The following ACBD6 variants were observed in gnomAD, a reference collection of about 807,000 sequenced individuals.
The protein encoded by ACBD6 is acyl-CoA binding domain containing 6.
ACBD6 carries 28 observed loss-of-function variants against 37.2 expected under a neutral mutation model. That is an observed-to-expected ratio of 0.75 (90% CI 0.56 to 1.03). The LOEUF (loss-of-function observed/expected upper bound fraction) is 1.03. ACBD6 is among the 50% of genes least tolerant of loss of function. The pLI is 0.00. For synonymous variants in ACBD6, 113 were observed against 126.8 expected (o/e 0.89, Z 0.73); for missense variants, 340 against 337.4 (o/e 1.01, Z -0.06).
Position 180,288,293 on chromosome 1 carries a change from T to TTTG in ACBD6, c.*69_*70insCAA. The TTTG allele has an allele frequency of 6.2e-7, 1 of 1,602,418 alleles. No individual in the cohort carries two copies. The highest frequency in any genetic ancestry group is 1.1e-5 in the South Asian group (1 of 89,964). On this transcript the variant is annotated 3_prime_UTR_variant, in exon 8 of 8. Coordinates refer to ENST00000367595, the MANE Select transcript of ACBD6 (RefSeq NM_032360.4). Reference sequence around the variant, plus strand: ...ACCAAAGACGGGTGGAAAAGAAGTATTATTTTTGTAGTTTTCTTTCATAAT... The same window carrying TTTG: ...ACCAAAGACGGGTGGAAAAGAAGTATTTGTATTTTTGTAGTTTTCTTTCATAAT...
intron 3 of ACBD6, among the ~76,000 whole-genome samples, chr1:180,465,939 T>C (rs954014039): frequency 2.0e-5 from 3 of 151,684 alleles, no homozygotes; most frequent in Admixed American, 6.6e-5. Flanking sequence ...TTCTCACTTA[T>C]AAGTGGGAGC....
chr1:180,488,235 C>T (rs1251843038), intron 3 of ACBD6, among the ~76,000 whole-genome samples: 1 of 150,844 alleles, frequency 6.6e-6, no homozygotes, highest in Non-Finnish European at 1.5e-5. Flanking sequence ...ACTGTAAAAA[C>T]AAAACAAAAA....
intron 3 of ACBD6, chr1:180,435,753 T>C (rs1557869760): frequency 1.5e-5 from 13 of 848,682 alleles, no homozygotes; most frequent in South Asian, 1.3e-4. Flanking sequence ...CACTTCAGAA[T>C]AGCAGCCAAG....
chr1:180,379,726 C>A (rs1184746570), intron 6 of ACBD6, among the ~76,000 whole-genome samples: 1 of 151,778 alleles, frequency 6.6e-6, no homozygotes, highest in African/African-American at 2.4e-5. Context: ...GAAAAGAGAA[C>A]AAAAAAACAA....
intron 4 of ACBD6, among the ~76,000 whole-genome samples, chr1:180,414,022 T>A (rs779441618): frequency 1.3e-5 from 2 of 152,352 alleles, no homozygotes; most frequent in South Asian, 4.1e-4. Flanking sequence ...TGATTTTGTA[T>A]ACAGTACATT....
chr1:180,300,378 T>C (rs1204195941), intron 7 of ACBD6, among the ~76,000 whole-genome samples: 1 of 152,148 alleles, frequency 6.6e-6, no homozygotes, highest in Non-Finnish European at 1.5e-5. Flanking sequence ...ATATAATAGG[T>C]GCTTAATAAA....
chr1:180,472,058 T>G (rs1232063077), intron 3 of ACBD6, among the ~76,000 whole-genome samples: 1 of 152,210 alleles, frequency 6.6e-6, no homozygotes, highest in Admixed American at 6.5e-5. Flanking sequence ...CACTTAATGA[T>G]ATTATTTCTA....
intron 3 of ACBD6, among the ~76,000 whole-genome samples, chr1:180,472,583 T>C (rs1255242685): frequency 3.3e-5 from 5 of 152,164 alleles, no homozygotes; most frequent in African/African-American, 1.2e-4. Flanking sequence ...TAATAAAATC[T>C]AAATCAGTTT....
chr1:180,324,718 C>A (rs147048926), intron 6 of ACBD6, among the ~76,000 whole-genome samples: 432 of 152,218 alleles, frequency 2.8e-3, no homozygotes, highest in African/African-American at 0.01. Context: ...TCTTATTGCT[C>A]ATTAACATAC....
intron 6 of ACBD6, among the ~76,000 whole-genome samples, chr1:180,382,106 C>T (rs1653676723): frequency 7.7e-6 from 1 of 130,160 alleles, no homozygotes; most frequent in South Asian, 2.3e-4. Flanking sequence ...CAGAACAAGA[C>T]TGCATCTCAA....
chr1:180,427,918 CAA>C (rs11435254), intron 4 of ACBD6, among the ~76,000 whole-genome samples: 15 of 95,736 alleles, frequency 1.6e-4, no homozygotes, highest in Non-Finnish European at 2.1e-4. Flanking sequence ...GACTCTGTCT[CAA>C]AAAAAAAAAA....
At chr1:180,393,517 T>C (rs1220131593) in intron 6 of ACBD6, among the ~76,000 whole-genome samples, 2 of 152,232 alleles carry the variant, frequency 1.3e-5, no homozygotes, top group Non-Finnish European at 2.9e-5. Flanking sequence ...ATTTTCCTTT[T>C]TGGCAACCAA....
chr1:180,502,413 T>C lies in ACBD6; in HGVS notation c.-147A>G, dbSNP rs529719525. On this transcript the variant is annotated 5_prime_UTR_variant, in exon 1 of 8. Transcript: ENST00000367595. ...CTCAGTCGCGGCGCGCTCCCTCACG[T>C]GACCCTGCTCCCTGCCCACTTCTAC... 1,052 of 847,586 alleles carry C rather than the reference T, an allele frequency of 1.2e-3. No homozygotes were observed. Among genetic ancestry groups the C allele is most frequent in the Non-Finnish European group, 1.7e-3 (878 of 515,428 alleles). 52.5% of individuals were successfully genotyped at this position (847,586 alleles called of 1,614,324 possible).
chr1:180,361,890 T>C (rs534190250), intron 6 of ACBD6, among the ~76,000 whole-genome samples: 1 of 152,306 alleles, frequency 6.6e-6, no homozygotes, highest in African/African-American at 2.4e-5. Flanking sequence ...CTAGGTTTTA[T>C]ATTGTTGCTG....
At chr1:180,446,573 C>G (rs1270051876) in intron 3 of ACBD6, among the ~76,000 whole-genome samples, 1 of 152,114 alleles carries the variant, frequency 6.6e-6, no homozygotes. Flanking sequence ...CCATTTGTCA[C>G]AGCATTAAAA....
intron 6 of ACBD6, among the ~76,000 whole-genome samples, chr1:180,327,783 A>T (rs1651312985): frequency 6.6e-6 from 1 of 152,228 alleles, no homozygotes; most frequent in Non-Finnish European, 1.5e-5. Flanking sequence ...CAGGATATTT[A>T]GCTTATAGTT....
At chr1:180,292,052 T>C (rs1649728704) in intron 7 of ACBD6, among the ~76,000 whole-genome samples, 1 of 152,238 alleles carries the variant, frequency 6.6e-6, no homozygotes, top group Non-Finnish European at 1.5e-5. Flanking sequence ...CCTATTCTTA[T>C]ACCAATACAA....
intron 3 of ACBD6, among the ~76,000 whole-genome samples, chr1:180,487,302 A>C (rs1651309098): frequency 6.6e-6 from 1 of 152,076 alleles, no homozygotes; most frequent in Non-Finnish European, 1.5e-5. Flanking sequence ...GCAGTTACCC[A>C]CTGCCAACCC....
intron 6 of ACBD6, among the ~76,000 whole-genome samples, chr1:180,315,229 T>C (rs1650751421): frequency 6.6e-6 from 1 of 152,190 alleles, no homozygotes; most frequent in Non-Finnish European, 1.5e-5. Flanking sequence ...GTAATGTGAT[T>C]TCAAAGCATA....
Sources: gnomAD v4.1 joint callset for allele counts (sites outside exome capture counted in the v4.1 genomes callset) on GRCh38, gnomAD v4.1.1 for gene constraint, MANE v1.5 for transcripts, NCBI Gene and HGNC (gene_info 2026-07-23, HGNC 2026-07-21) for gene names.